Variants in SLIT2 observed in about 807,000 individuals in gnomAD.
SLIT2 encodes slit guidance ligand 2, also known as slit homolog 2 protein.
A neutral mutation model predicts 185.7 loss-of-function variants in SLIT2; 41 were observed. The ratio of observed to expected loss-of-function variants is 0.22; its 90% CI spans 0.17 to 0.29. The LOEUF is 0.29. Ranked by LOEUF, SLIT2 falls within the 10% of genes least tolerant of loss-of-function variation. The pLI is 1.00. For synonymous variants in SLIT2, 693 were observed against 680.2 expected (o/e 1.02, Z -0.29); for missense variants, 1,571 against 1,909.0 (o/e 0.82, Z 3.30).
chr4:20,326,679 T>C (rs1325259560), intron 4 of SLIT2, among the ~76,000 whole-genome samples: 2 of 151,658 alleles, frequency 1.3e-5, no homozygotes, highest in African/African-American at 2.4e-5. Flanking sequence ...TTCTTGGAAT[T>C]ATCTACTCAG....
chr4:20,464,379 G>C (rs1282783719), intron 4 of SLIT2, among the ~76,000 whole-genome samples: 1 of 151,966 alleles, frequency 6.6e-6, no homozygotes, highest in East Asian at 1.9e-4. Context: ...TCCCCAGTTG[G>C]TATGAAAAAA....
At chr4:20,480,835 G>T (rs751735207) in intron 6 of SLIT2, 48 bp downstream of exon 6, 1 of 1,369,234 alleles carries the variant, frequency 7.3e-7, no homozygotes, top group Non-Finnish European at 1.0e-6. Context: ...CTTTGTGTCT[G>T]GACAGGACTA....
chr4:20,271,175 A>C (rs1713562435), intron 4 of SLIT2, among the ~76,000 whole-genome samples: 1 of 151,870 alleles, frequency 6.6e-6, no homozygotes, highest in South Asian at 2.1e-4. Flanking sequence ...CTATATGCAC[A>C]ACATCCTTTA....
At chr4:20,322,784 C>A (rs1719212928) in intron 4 of SLIT2, among the ~76,000 whole-genome samples, 2 of 152,094 alleles carry the variant, frequency 1.3e-5, no homozygotes, top group Non-Finnish European at 2.9e-5. Context: ...TAGCACAGGA[C>A]TTCTTTATAG....
intron 8 of SLIT2, among the ~76,000 whole-genome samples, chr4:20,490,177 T>G (rs1471857647): frequency 6.6e-6 from 1 of 152,178 alleles, no homozygotes; most frequent in Non-Finnish European, 1.5e-5. Flanking sequence ...TTTACTGAGT[T>G]TTTTAATATG....
At chr4:20,414,980 T>C (rs1727538708) in intron 4 of SLIT2, among the ~76,000 whole-genome samples, 1 of 152,232 alleles carries the variant, frequency 6.6e-6, no homozygotes, top group South Asian at 2.1e-4. Context: ...TTTCCTCTCC[T>C]CTACTTACTG....
At chr4:20,461,432 G>T (rs1448170572) in intron 4 of SLIT2, among the ~76,000 whole-genome samples, 1 of 152,182 alleles carries the variant, frequency 6.6e-6, no homozygotes, top group East Asian at 1.9e-4. Context: ...GTGCTGATCA[G>T]ATTTTGGGGG....
At chr4:20,487,533 C>T (rs536255431) in intron 7 of SLIT2, among the ~76,000 whole-genome samples, 1 of 152,206 alleles carries the variant, frequency 6.6e-6, no homozygotes, top group East Asian at 1.9e-4. Context: ...ATTCTTTTCT[C>T]ATTTCAAGTT....
intron 4 of SLIT2, among the ~76,000 whole-genome samples, chr4:20,436,413 G>GGAAAACA (rs1729346068): frequency 6.6e-6 from 1 of 152,156 alleles, no homozygotes; most frequent in Admixed American, 6.5e-5. Context: ...GGGCCACCAG[G>GGAAAACA]CCATGTGTTT....
rs560664594 is a variant in SLIT2, at chr4:20,432,053, C to T, written c.396-35699C>T. 1.5e-4 allele frequency among the ~76,000 whole-genome samples: 22 copies of T among 151,254 alleles called. No homozygotes were observed. In the East Asian group the frequency reaches 4.1e-3, roughly 28 times the overall value. ...AGAGAGAGAGAGACAGACAGACACA[C>T]AAAATGTGAATGAATGAAGGAAGGA... is the stretch of plus-strand genomic sequence containing the variant. On this transcript the variant is annotated intron_variant, in intron 4 of 36. Transcript: ENST00000504154.
chr4:20,283,174 T>C (rs1714954981), intron 4 of SLIT2, among the ~76,000 whole-genome samples: 1 of 152,076 alleles, frequency 6.6e-6, no homozygotes, highest in African/African-American at 2.4e-5. Flanking sequence ...TTAAGGACTT[T>C]AACATTTTAT....
At chr4:20,472,511 G>GATATATCTATATAGATAT (rs1218618638) in intron 5 of SLIT2, among the ~76,000 whole-genome samples, 3 of 6,710 alleles carry the variant, frequency 4.5e-4, no homozygotes, top group African/African-American at 8.4e-4. Flanking sequence ...TCTATATATA[G>GATATATCTATATAGATAT]ATAGATATAT....
At chr4:20,537,921 C>T (rs644526) in intron 18 of SLIT2, among the ~76,000 whole-genome samples, 10,072 of 152,188 alleles carry the variant, frequency 0.066, 857 homozygotes, top group African/African-American at 0.2. Flanking sequence ...ATTTTTCTAG[C>T]AACAGAGATC....
intron 4 of SLIT2, among the ~76,000 whole-genome samples, chr4:20,424,902 A>G (rs932127580): frequency 6.6e-6 from 1 of 152,162 alleles, no homozygotes; most frequent in Admixed American, 6.5e-5. Context: ...CTTTACTAAT[A>G]TCAGATTTGC....
At chr4:20,473,940 A>G (rs1158507335) in intron 5 of SLIT2, among the ~76,000 whole-genome samples, 1 of 151,962 alleles carries the variant, frequency 6.6e-6, no homozygotes, top group East Asian at 1.9e-4. Context: ...AGTTCATTGG[A>G]TTTTATTTCA....
In SLIT2 at chr4:20,524,004, G is replaced by A. The variant is rs1237595963; in HGVS notation, c.1275-10G>A. The A allele has an allele frequency of 1.9e-6, 3 of 1,614,050 alleles. No individual in the cohort carries two copies. The highest frequency in any genetic ancestry group is 1.7e-4 in the Middle Eastern group (1 of 6,054). On this transcript the variant is annotated splice_polypyrimidine_tract_variant and intron_variant, in intron 13 of 36. Transcript: ENST00000504154. ...TCATCTATAAAACTGTTCTGTATGT[G>A]TTTCCAAAGGCATTTGGCCCAGAAC...
chr4:20,573,665 T>A (rs1725822214), intron 29 of SLIT2, among the ~76,000 whole-genome samples: 2 of 152,088 alleles, frequency 1.3e-5, no homozygotes, highest in Non-Finnish European at 2.9e-5. Flanking sequence ...GATAGAAAAA[T>A]TTTTAAGTAA....
intron 30 of SLIT2, among the ~76,000 whole-genome samples, chr4:20,594,900 C>T (rs892264645): frequency 2.0e-5 from 3 of 152,062 alleles, no homozygotes; most frequent in African/African-American, 7.2e-5. Context: ...AAAGTAATAC[C>T]ACGAATATCA....
At chr4:20,529,792 A>C (rs1721622060) in intron 16 of SLIT2, among the ~76,000 whole-genome samples, 1 of 152,210 alleles carries the variant, frequency 6.6e-6, no homozygotes, top group Admixed American at 6.5e-5. Flanking sequence ...TGTTCTAACA[A>C]TTCAGGGAAA....
Sources: allele counts gnomAD v4.1 joint callset (sites outside exome capture counted in the v4.1 genomes callset), GRCh38; gene constraint gnomAD v4.1.1; transcripts MANE v1.5; gene names NCBI Gene and HGNC (gene_info 2026-07-23, HGNC 2026-07-21).